CDH17: variants seen among roughly 807,000 people sequenced by gnomAD.
The protein encoded by CDH17 is cadherin 17, also known as cadherin-17.
A neutral mutation model predicts 86.3 loss-of-function variants in CDH17; 67 were observed. The ratio of observed to expected loss-of-function variants is 0.78; its 90% CI spans 0.64 to 0.95. CDH17 has a LOEUF of 0.95. CDH17 is among the 40% of genes least tolerant of loss of function. The pLI is 0.00. For missense variants in CDH17, 993 were observed against 1,017.6 expected, an observed-to-expected ratio of 0.98 and a Z score of 0.33; for synonymous variants, 367 against 366.4, an observed-to-expected ratio of 1.00 and a Z score of -0.02.
chr8:94,144,739 G>A (rs1023857114), intron 15 of CDH17, among the ~76,000 whole-genome samples: 1 of 151,980 alleles, frequency 6.6e-6, no homozygotes, highest in Non-Finnish European at 1.5e-5. Context: ...CCATGGCCTG[G>A]GAGAAAATAT....
intron 7 of CDH17, among the ~76,000 whole-genome samples, chr8:94,171,637 G>A (rs1330984957): frequency 6.6e-6 from 1 of 152,088 alleles, no homozygotes; most frequent in Non-Finnish European, 1.5e-5. Flanking sequence ...TACTGAGTTT[G>A]CCACATGCCA....
At position 94,187,346 on chromosome 8, in the gene CDH17, C is replaced by A. The variant is rs1813600489; in HGVS notation, c.150+1841G>T. 2.0e-5 allele frequency among the ~76,000 whole-genome samples: 3 copies of A among 152,250 alleles called. No homozygotes were observed. In the South Asian group the frequency reaches 6.2e-4, roughly 31 times the overall value. On this transcript the variant is annotated intron_variant, in intron 3 of 17. Coordinates refer to ENST00000027335, the MANE Select transcript of CDH17 (RefSeq NM_004063.4). The stretch of plus-strand genomic sequence containing the variant: ...GAAGCTTCAGTGCATGTGTCTGTTT[C>A]CTTGTTAGTTTTCTCTTACTAGCTG...
chr8:94,168,876 G>A lies in CDH17; in HGVS notation c.1066+1521C>T, dbSNP rs77214109. On this transcript the variant is annotated intron_variant, in intron 9 of 17. Coordinates refer to ENST00000027335, the MANE Select transcript of CDH17 (RefSeq NM_004063.4). The stretch of plus-strand genomic sequence containing the variant: ...TTCTAATGGCAAAAGTGATGGGATC[G>A]CTTCCAAGATTAGGTCATAGAAAGA... Among the ~76,000 whole-genome samples, 773 of 152,170 alleles carry A rather than the reference G, an allele frequency of 5.1e-3. 7 individuals carry two copies. The highest frequency in any genetic ancestry group is 0.031 in the East Asian group (160 of 5,154).
chr8:94,152,115 G>A lies in CDH17; in HGVS notation c.1552-3C>T. On this transcript the variant is annotated splice_polypyrimidine_tract_variant and splice_region_variant and intron_variant, in intron 12 of 17. Coordinates refer to ENST00000027335, the MANE Select transcript of CDH17 (RefSeq NM_004063.4). ...GCTGCTGTTTCAAAATCAAGAGGCT[G>A]TGTAGGAGAAAGAGAGAAAATTAAT... 6.2e-7 allele frequency: 1 copy of A among 1,613,094 alleles called. No individual in the cohort carries two copies. The highest frequency in any genetic ancestry group is 8.5e-7 in the Non-Finnish European group (1 of 1,179,334).
chr8:94,147,727 A>G (rs1812772886), intron 14 of CDH17, among the ~76,000 whole-genome samples: 1 of 152,182 alleles, frequency 6.6e-6, no homozygotes, highest in African/African-American at 2.4e-5. Context: ...TTTTATTTTA[A>G]AAAAGTTCTC....
At chr8:94,211,888 T>C (rs566408149), upstream of CDH17, among the ~76,000 whole-genome samples, 1 of 152,340 alleles carries the variant, frequency 6.6e-6, no homozygotes, top group East Asian at 1.9e-4. Flanking sequence ...CATTCAGTTA[T>C]TTAATTCAAT....
chr8:94,151,840 AGGCCTGCCC>A lies in CDH17; in HGVS notation c.1796+19_1796+27del. 6.2e-7 allele frequency: 1 copy of A among 1,612,920 alleles called. No homozygotes were observed. The highest frequency in any genetic ancestry group is 8.5e-7 in the Non-Finnish European group (1 of 1,179,100). On this transcript the variant is annotated intron_variant, in intron 13 of 17. Coordinates refer to ENST00000027335, the MANE Select transcript of CDH17 (RefSeq NM_004063.4). ...CATTGGCTTTGGTGACCACGCAGCC[AGGCCTGCCC>A]AGCACTGTTGCCCTTTACCTTATGT...
chr8:94,157,889 C>CA (rs1407396234), intron 12 of CDH17, among the ~76,000 whole-genome samples: 1 of 152,096 alleles, frequency 6.6e-6, no homozygotes, highest in Non-Finnish European at 1.5e-5. Flanking sequence ...GCATCTGTCT[C>CA]AAAAAAAGAT....
At chr8:94,161,682 G>T (rs538666623) in intron 11 of CDH17, among the ~76,000 whole-genome samples, 1 of 151,714 alleles carries the variant, frequency 6.6e-6, no homozygotes, top group Non-Finnish European at 1.5e-5. Context: ...AAATTAAATC[G>T]CCAATATTCC....
chr8:94,213,817 C>T (rs1423384841), intron 1 of CDH17, among the ~76,000 whole-genome samples: 3 of 152,126 alleles, frequency 2.0e-5, no homozygotes, highest in Non-Finnish European at 4.4e-5. Flanking sequence ...GCGAGCTCTC[C>T]TCAAATTTCC....
At chr8:94,175,703 G>A (rs1813358161) in intron 5 of CDH17, among the ~76,000 whole-genome samples, 2 of 152,048 alleles carry the variant, frequency 1.3e-5, no homozygotes, top group African/African-American at 4.8e-5. Flanking sequence ...GAAGTGAAAG[G>A]TAGAAGGTCA....
chr8:94,207,168 T>C (rs982479997), intron 1 of CDH17, among the ~76,000 whole-genome samples: 5 of 152,216 alleles, frequency 3.3e-5, no homozygotes, highest in African/African-American at 1.2e-4. Flanking sequence ...TCCTACTTCC[T>C]GAACATAGAA....
chr8:94,143,662 C>G (rs1563567299), intron 15 of CDH17, among the ~76,000 whole-genome samples: 1 of 152,216 alleles, frequency 6.6e-6, no homozygotes, highest in East Asian at 1.9e-4. Flanking sequence ...TTACTTGCTT[C>G]TGCATCAATT....
At chr8:94,134,532 T>G (rs1485357535) in intron 15 of CDH17, among the ~76,000 whole-genome samples, 2 of 152,208 alleles carry the variant, frequency 1.3e-5, no homozygotes, top group Admixed American at 6.5e-5. Context: ...TTGCGTCTAT[T>G]TGATTCTTCT....
chr8:94,207,472 C>T (rs775978181), intron 1 of CDH17, among the ~76,000 whole-genome samples: 4 of 152,196 alleles, frequency 2.6e-5, no homozygotes, highest in Non-Finnish European at 5.9e-5. Flanking sequence ...ACTGGCCTAA[C>T]CCATTTGGCC....
Position 94,146,050 on chromosome 8 carries a change from G to C in CDH17, c.2045C>G (p.Ala682Gly). Reference protein sequence around the residue: ...TGLFFCHPLSAPGSLIFEATD... With the variant: ...TGLFFCHPLSGPGSLIFEATD... ...AGCCTCGAAAATGAGACTTCCAGGT[G>C]CACTGAGGGGATGGCAGAAGAACAA... The change falls in exon 15 of 18, where the codon GCA becomes GGA. Residue 682 changes from alanine (A) to glycine (G), a missense_variant. By Grantham distance (60) the Ala-to-Gly change is moderately conservative. Coordinates refer to ENST00000027335, the MANE Select transcript of CDH17 (RefSeq NM_004063.4). 1 of 1,613,908 alleles carries C rather than the reference G, an allele frequency of 6.2e-7. No homozygotes were observed. The highest frequency in any genetic ancestry group is 8.5e-7 in the Non-Finnish European group (1 of 1,179,924).
intron 1 of CDH17, among the ~76,000 whole-genome samples, chr8:94,195,302 T>C (rs555664713): frequency 6.6e-6 from 1 of 152,280 alleles, no homozygotes; most frequent in South Asian, 2.1e-4. Flanking sequence ...GCAATGAGTA[T>C]TCCTTTCACT....
chr8:94,207,664 A>T (rs1183356806), intron 1 of CDH17, among the ~76,000 whole-genome samples: 1 of 152,234 alleles, frequency 6.6e-6, no homozygotes, highest in African/African-American at 2.4e-5. Flanking sequence ...AAATAAAGAC[A>T]AGAAAATATT....
At chr8:94,205,368 C>T (rs912115122) in intron 1 of CDH17, among the ~76,000 whole-genome samples, 1 of 152,118 alleles carries the variant, frequency 6.6e-6, no homozygotes, top group African/African-American at 2.4e-5. Flanking sequence ...TAAAGCAACA[C>T]ATCCTGGCCT....
Sources: allele counts gnomAD v4.1 joint callset (sites outside exome capture counted in the v4.1 genomes callset), GRCh38; gene constraint gnomAD v4.1.1; transcripts MANE v1.5; gene names NCBI Gene and HGNC (gene_info 2026-07-23, HGNC 2026-07-21).